SH3PXD2A: variants seen among roughly 807,000 people sequenced by gnomAD.
SH3PXD2A encodes SH3 and PX domain-containing protein 2A.
In SH3PXD2A, 32 loss-of-function variants were observed where a neutral mutation model predicts 115.2. That is an observed-to-expected ratio of 0.28 (90% confidence interval 0.21 to 0.37). SH3PXD2A has a LOEUF of 0.37. SH3PXD2A is among the 10% of genes least tolerant of loss of function. The probability of loss-of-function intolerance (pLI) is 1.00; values close to 1 mark genes in which losing one functional copy is unlikely to be tolerated. For synonymous variants in SH3PXD2A, 610 were observed against 629.1 expected, an observed-to-expected ratio of 0.97 and a Z score of 0.45; for missense variants, 1,328 against 1,498.7, an observed-to-expected ratio of 0.89 and a Z score of 1.88.
chr10:103,652,518 G>A (rs1237726820), intron 8 of SH3PXD2A, among the ~76,000 whole-genome samples: 1 of 152,226 alleles, frequency 6.6e-6, no homozygotes, highest in African/African-American at 2.4e-5. Context: ...CCCAACTGCT[G>A]AAGGGTGTAA....
chr10:103,613,034 CTT>C lies in SH3PXD2A; in HGVS notation c.1075_1076del (p.Lys359GlyfsTer11). The stretch of plus-strand genomic sequence containing the variant: ...CCTCGCCTTCGGCTGGTGGAGTTTC[CTT>C]GTCCCCAGACGCCTTCTTGTTCAGC... The part of the protein sequence containing the change: ...NLLNKKASGD[K>X]ETPPAEGEGH... On this transcript the variant is annotated frameshift_variant, in exon 12 of 15. Coordinates refer to ENST00000369774, the MANE Select transcript of SH3PXD2A (RefSeq NM_001394015.1). LOFTEE classifies it high-confidence loss of function. 1 of 1,614,246 alleles carries C rather than the reference CTT, an allele frequency of 6.2e-7. No homozygotes were observed. The highest frequency in any genetic ancestry group is 1.3e-5 in the African/African-American group (1 of 75,074).
chr10:103,835,769 G>C (rs1450213218), intron 1 of SH3PXD2A, among the ~76,000 whole-genome samples: 1 of 152,148 alleles, frequency 6.6e-6, no homozygotes, highest in Non-Finnish European at 1.5e-5. Flanking sequence ...GGTCCTCACA[G>C]CACACCTGCA....
intron 5 of SH3PXD2A, among the ~76,000 whole-genome samples, chr10:103,703,226 C>T (rs929453541): frequency 2.6e-5 from 4 of 152,322 alleles, no homozygotes; most frequent in Middle Eastern, 3.4e-3. Flanking sequence ...CTGGGAGGCC[C>T]GGGTGATCGC....
In SH3PXD2A at chr10:103,736,826, C is replaced by T. The variant is rs756105503; in HGVS notation, c.230-1018G>A. 44 of 1,281,132 alleles carry T rather than the reference C, an allele frequency of 3.4e-5. No homozygotes were observed. In the African/African-American group the frequency reaches 6.2e-4, roughly 18 times the overall value. 79.4% of individuals were successfully genotyped at this position (1,281,132 alleles called of 1,614,324 possible). A position where few individuals can be genotyped will look rare whatever the true frequency, so the allele number is the denominator to read the frequency against. On this transcript the variant is annotated intron_variant, in intron 3 of 14. Coordinates refer to ENST00000369774, the MANE Select transcript of SH3PXD2A (RefSeq NM_001394015.1). ...TGTTGCCTCAGTCTACCTAATTTCCCCCTGGAGAAGGCATCTTCCACTCCC... is the reference window on the plus strand; with the variant it reads ...TGTTGCCTCAGTCTACCTAATTTCCTCCTGGAGAAGGCATCTTCCACTCCC...
intron 1 of SH3PXD2A, among the ~76,000 whole-genome samples, chr10:103,839,492 A>G (rs2039576518): frequency 6.6e-6 from 1 of 152,192 alleles, no homozygotes; most frequent in South Asian, 2.1e-4. Flanking sequence ...CATCCTCATC[A>G]CCAGCCTGAG....
chr10:103,607,492 CT>C (rs2036338011), intron 13 of SH3PXD2A, among the ~76,000 whole-genome samples: 1 of 151,392 alleles, frequency 6.6e-6, no homozygotes, highest in Non-Finnish European at 1.5e-5. Flanking sequence ...TGAGGAGCCC[CT>C]CTGCCCGGCC....
chr10:103,799,939 A>G (rs2039131207), intron 2 of SH3PXD2A, among the ~76,000 whole-genome samples: 1 of 152,150 alleles, frequency 6.6e-6, no homozygotes, highest in Admixed American at 6.5e-5. Flanking sequence ...ACAGGAAGCT[A>G]GGTCACCCTT....
At chr10:103,605,416 T>A (rs2036285157) in intron 14 of SH3PXD2A, among the ~76,000 whole-genome samples, 1 of 152,202 alleles carries the variant, frequency 6.6e-6, no homozygotes, top group Non-Finnish European at 1.5e-5. Flanking sequence ...CCCAGTGACA[T>A]CCTTGTATCC....
chr10:103,740,310 T>C (rs2038430403), intron 3 of SH3PXD2A, among the ~76,000 whole-genome samples: 2 of 151,954 alleles, frequency 1.3e-5, no homozygotes, highest in Admixed American at 1.3e-4. Context: ...GCTTAGAGAG[T>C]GTGGGGGAGC....
intron 1 of SH3PXD2A, among the ~76,000 whole-genome samples, chr10:103,841,895 C>T (rs912327938): frequency 6.6e-6 from 1 of 152,096 alleles, no homozygotes; most frequent in Non-Finnish European, 1.5e-5. Context: ...GAGGCCGAGA[C>T]GGGTGGATCA....
chr10:103,681,840 C>A (rs774300631), intron 6 of SH3PXD2A, among the ~76,000 whole-genome samples: 16 of 152,074 alleles, frequency 1.1e-4, no homozygotes, highest in Admixed American at 2.0e-4. Context: ...TTTGGGAGGC[C>A]GAGGTGGGTG....
chr10:103,838,438 C>T lies in SH3PXD2A; in HGVS notation c.72+16757G>A, dbSNP rs533374769. Among the ~76,000 whole-genome samples, 15 of 152,314 alleles carry T rather than the reference C, an allele frequency of 9.8e-5. No individual in the cohort carries two copies. The South Asian group carries it at 1.0e-3, about 11-fold the overall frequency. On this transcript the variant is annotated intron_variant, in intron 1 of 14. Coordinates refer to ENST00000369774, the MANE Select transcript of SH3PXD2A (RefSeq NM_001394015.1). Reference sequence around the variant, plus strand: ...AAGCACTGAGGGGGTAAGTGACTCACCCAAGGCCACACAGCAATAAATGGC... The same window carrying T: ...AAGCACTGAGGGGGTAAGTGACTCATCCAAGGCCACACAGCAATAAATGGC...
At chr10:103,711,574 G>A (rs1025083136) in intron 5 of SH3PXD2A, among the ~76,000 whole-genome samples, 8 of 152,124 alleles carry the variant, frequency 5.3e-5, no homozygotes, top group South Asian at 2.1e-4. Flanking sequence ...CCTCGTCCCC[G>A]GGCTACTGAG....
chr10:103,715,015 C>G (rs1338941260), intron 5 of SH3PXD2A, among the ~76,000 whole-genome samples: 1 of 152,230 alleles, frequency 6.6e-6, no homozygotes, highest in Non-Finnish European at 1.5e-5. Flanking sequence ...CCAGGACTCC[C>G]AGAGCAGAGA....
chr10:103,659,169 G>A (rs562817327), intron 8 of SH3PXD2A, among the ~76,000 whole-genome samples: 19 of 152,278 alleles, frequency 1.2e-4, no homozygotes, highest in African/African-American at 3.4e-4. Context: ...GGGAGAGGGC[G>A]CACATGCCCT....
At chr10:103,612,323 A>G (rs1379417506) in intron 12 of SH3PXD2A, among the ~76,000 whole-genome samples, 1 of 152,196 alleles carries the variant, frequency 6.6e-6, no homozygotes, top group Non-Finnish European at 1.5e-5. Context: ...CAAGTCTCTT[A>G]GGTTTCCAGT....
At chr10:103,809,409 T>C (rs1417437449) in intron 1 of SH3PXD2A, among the ~76,000 whole-genome samples, 1 of 152,096 alleles carries the variant, frequency 6.6e-6, no homozygotes, top group East Asian at 1.9e-4. Context: ...GGGTATAATG[T>C]GCTAGGAGAA....
At chr10:103,789,983 C>G (rs2039019081) in intron 2 of SH3PXD2A, among the ~76,000 whole-genome samples, 1 of 152,144 alleles carries the variant, frequency 6.6e-6, no homozygotes, top group Admixed American at 6.5e-5. Context: ...GCAGCTGAGC[C>G]TGGGAGGGAG....
At chr10:103,742,063 C>G (rs1480737346) in intron 3 of SH3PXD2A, among the ~76,000 whole-genome samples, 1 of 152,174 alleles carries the variant, frequency 6.6e-6, no homozygotes. Context: ...GTAGGGGGAT[C>G]GCTTGAGCCT....
Sources: allele counts gnomAD v4.1 joint callset (sites outside exome capture counted in the v4.1 genomes callset), GRCh38; gene constraint gnomAD v4.1.1; transcripts MANE v1.5; gene names NCBI Gene and HGNC (gene_info 2026-07-23, HGNC 2026-07-21).